The following CNTNAP5 variants were observed in gnomAD, a reference collection of about 807,000 sequenced individuals.
CNTNAP5 encodes the protein contactin-associated protein-like 5.
In CNTNAP5, 72 loss-of-function variants were observed where a neutral mutation model predicts 150.2. The ratio of observed to expected loss-of-function variants is 0.48; its 90% CI spans 0.40 to 0.58. The LOEUF is 0.58. CNTNAP5 is among the 20% of genes least tolerant of loss of function. CNTNAP5 has a pLI of 0.00. For synonymous variants in CNTNAP5, 672 were observed against 619.8 expected (o/e 1.08, Z -1.25); for missense variants, 1,636 against 1,626.2 (o/e 1.01, Z -0.10).
chr2:124,463,203 T>A (rs1354824091), intron 6 of CNTNAP5, among the ~76,000 whole-genome samples: 1 of 152,224 alleles, frequency 6.6e-6, no homozygotes, highest in Non-Finnish European at 1.5e-5. Flanking sequence ...TTTGCTTGAA[T>A]ACTAAAATGT....
At chr2:124,121,913 C>G (rs879281448) in intron 1 of CNTNAP5, among the ~76,000 whole-genome samples, 2 of 152,176 alleles carry the variant, frequency 1.3e-5, no homozygotes, top group Admixed American at 1.3e-4. Flanking sequence ...GTGAACTGTA[C>G]AAGACAGATG....
chr2:124,349,340 T>C (rs1332673006), intron 3 of CNTNAP5, among the ~76,000 whole-genome samples: 2 of 152,166 alleles, frequency 1.3e-5, no homozygotes, highest in Non-Finnish European at 2.9e-5. Context: ...AAAGGTAGAA[T>C]AAAAAATGTT....
At chr2:124,183,893 CA>C (rs763708205) in intron 1 of CNTNAP5, among the ~76,000 whole-genome samples, 7 of 151,984 alleles carry the variant, frequency 4.6e-5, no homozygotes, top group African/African-American at 9.7e-5. Context: ...ATTTTTGCCA[CA>C]AAAGTAATAG....
intron 14 of CNTNAP5, among the ~76,000 whole-genome samples, chr2:124,751,850 T>C (rs1405705246): frequency 6.6e-6 from 1 of 152,202 alleles, no homozygotes; most frequent in Non-Finnish European, 1.5e-5. Flanking sequence ...TATCCTGAAT[T>C]GTTCTTAATA....
At chr2:124,123,063 T>C (rs913761778) in intron 1 of CNTNAP5, among the ~76,000 whole-genome samples, 5 of 152,020 alleles carry the variant, frequency 3.3e-5, no homozygotes, top group African/African-American at 1.2e-4. Context: ...TCACTGGGGC[T>C]TGTCGGACAC....
At chr2:124,230,593 A>G (rs943557349) in intron 2 of CNTNAP5, among the ~76,000 whole-genome samples, 3 of 151,144 alleles carry the variant, frequency 2.0e-5, no homozygotes, top group Non-Finnish European at 2.9e-5. Context: ...GTGCTGTGGC[A>G]TGATCTCGGC....
At chr2:124,368,512 A>C (rs905140542) in intron 3 of CNTNAP5, among the ~76,000 whole-genome samples, 5 of 152,192 alleles carry the variant, frequency 3.3e-5, no homozygotes, top group African/African-American at 1.2e-4. Flanking sequence ...ACATGGACAA[A>C]CTCATGAAAT....
chr2:124,447,029 TGGG>T, intron 6 of CNTNAP5, 92 bp downstream of exon 6: 1 of 1,278,896 alleles, frequency 7.8e-7, no homozygotes, highest in Non-Finnish European at 1.1e-6. Context: ...AGAGAAGTGG[TGGG>T]GCACTGAGGA....
chr2:124,594,276 C>A (rs1327521159), intron 11 of CNTNAP5, among the ~76,000 whole-genome samples: 2 of 137,424 alleles, frequency 1.5e-5, no homozygotes, highest in Non-Finnish European at 3.1e-5. Context: ...TTAGGTCTAA[C>A]GTTTAAATCT....
chr2:124,470,836 A>G (rs1336328910), intron 6 of CNTNAP5, among the ~76,000 whole-genome samples: 3 of 151,982 alleles, frequency 2.0e-5, no homozygotes, highest in Admixed American at 6.6e-5. Flanking sequence ...TCTTTTTCCC[A>G]TTGCTTATTT....
At chr2:124,554,786 A>G (rs893040454) in intron 10 of CNTNAP5, among the ~76,000 whole-genome samples, 1 of 152,196 alleles carries the variant, frequency 6.6e-6, no homozygotes, top group Non-Finnish European at 1.5e-5. Flanking sequence ...CTTAAAAACT[A>G]CAAACACAAA....
intron 3 of CNTNAP5, among the ~76,000 whole-genome samples, chr2:124,348,510 A>G (rs1281867873): frequency 3.3e-5 from 5 of 152,296 alleles, no homozygotes; most frequent in South Asian, 2.1e-4. Flanking sequence ...TTTTAAAGAA[A>G]TGTTCTAATA....
chr2:124,080,151 T>C (rs1157042938), intron 1 of CNTNAP5, among the ~76,000 whole-genome samples: 1 of 152,226 alleles, frequency 6.6e-6, no homozygotes, highest in Non-Finnish European at 1.5e-5. Flanking sequence ...TGAGTTAAAA[T>C]AGCATTTTCC....
At chr2:124,475,351 T>TA (rs1693615876) in intron 7 of CNTNAP5, among the ~76,000 whole-genome samples, 1 of 152,138 alleles carries the variant, frequency 6.6e-6, no homozygotes, top group Non-Finnish European at 1.5e-5. Flanking sequence ...ATTGACAAAT[T>TA]AAATGATTTT....
intron 13 of CNTNAP5, among the ~76,000 whole-genome samples, chr2:124,684,658 T>G (rs1370659920): frequency 6.6e-6 from 1 of 152,222 alleles, no homozygotes; most frequent in African/African-American, 2.4e-5. Context: ...GGATCCCACC[T>G]TGCGGAGTAG....
chr2:124,352,031 A>G (rs1348136305), intron 3 of CNTNAP5, among the ~76,000 whole-genome samples: 2 of 152,118 alleles, frequency 1.3e-5, no homozygotes, highest in Non-Finnish European at 2.9e-5. Flanking sequence ...CAGCTGAGCT[A>G]TAATAGTGGC....
intron 19 of CNTNAP5, among the ~76,000 whole-genome samples, chr2:124,821,680 G>A (rs956773063): frequency 7.2e-5 from 11 of 152,184 alleles, no homozygotes; most frequent in African/African-American, 1.9e-4. Context: ...AGCTCCACTC[G>A]ATCTTAGGAG....
intron 3 of CNTNAP5, among the ~76,000 whole-genome samples, chr2:124,248,847 T>A (rs1439769205): frequency 6.6e-6 from 1 of 152,190 alleles, no homozygotes; most frequent in East Asian, 1.9e-4. Flanking sequence ...ACAAACTGGT[T>A]GCATGTGTAG....
chr2:124,857,628 C>T (rs1406907547), intron 19 of CNTNAP5, among the ~76,000 whole-genome samples: 1 of 151,722 alleles, frequency 6.6e-6, no homozygotes, highest in African/African-American at 2.4e-5. Context: ...GATTTCAAGT[C>T]CAGCCTGACC....
Sources: allele counts gnomAD v4.1 joint callset (sites outside exome capture counted in the v4.1 genomes callset), GRCh38; gene constraint gnomAD v4.1.1; transcripts MANE v1.5; gene names NCBI Gene and HGNC (gene_info 2026-07-23, HGNC 2026-07-21).